POLR3A: variants seen among roughly 807,000 people sequenced by gnomAD.
The protein encoded by POLR3A is RNA polymerase III subunit A.
In POLR3A, 112 loss-of-function variants were observed where a neutral mutation model predicts 152.8. The observed-to-expected ratio is 0.73, with a 90% CI of 0.63 to 0.86. The LOEUF is 0.86. Ranked by LOEUF, POLR3A falls within the 40% of genes least tolerant of loss-of-function variation. POLR3A has a pLI of 0.00. For missense variants in POLR3A, 1,385 were observed against 1,743.1 expected (o/e 0.79, Z 3.66); for synonymous variants, 615 against 652.1 (o/e 0.94, Z 0.87).
At chr10:77,989,030 A>C (rs750283135) in intron 21 of POLR3A, among the ~76,000 whole-genome samples, 1 of 151,718 alleles carries the variant, frequency 6.6e-6, no homozygotes, top group Non-Finnish European at 1.5e-5. Flanking sequence ...TTTCACCCCA[A>C]TGGACACATT....
chr10:78,019,036 A>G lies in POLR3A; in HGVS notation c.1289+126T>C, dbSNP rs184957690. On this transcript the variant is annotated intron_variant, in intron 9 of 30. Transcript: ENST00000372371. Reference sequence around the variant, plus strand: ...CCTTGGCTCACGGAAATTTAAACAGATATTTTCCACATGCCAAAATGTCAC... The same window carrying G: ...CCTTGGCTCACGGAAATTTAAACAGGTATTTTCCACATGCCAAAATGTCAC... The G allele has an allele frequency of 1.2e-3, 922 of 751,366 alleles. 7 individuals are homozygous for G. Among genetic ancestry groups the G allele is most frequent in the South Asian group, 7.4e-3 (511 of 69,212 alleles). 46.5% of individuals were successfully genotyped at this position (751,366 alleles called of 1,614,324 possible).
chr10:77,986,032 C>T (rs1847194661), intron 22 of POLR3A, 41 bp downstream of exon 22: 1 of 1,596,414 alleles, frequency 6.3e-7, no homozygotes, highest in Non-Finnish European at 8.6e-7. Context: ...GCGGCAACTA[C>T]AAACAGCTCG....
chr10:77,996,659 G>A (rs1479215483), intron 19 of POLR3A, among the ~76,000 whole-genome samples: 27 of 151,666 alleles, frequency 1.8e-4, no homozygotes, highest in Admixed American at 1.8e-3. Flanking sequence ...CTGAAATTGA[G>A]GCAATAATTA....
At chr10:77,980,571 C>G (rs1419861026) in intron 29 of POLR3A, among the ~76,000 whole-genome samples, 1 of 151,408 alleles carries the variant, frequency 6.6e-6, no homozygotes, top group Admixed American at 6.6e-5. Context: ...TCTTATGGCT[C>G]AAAGAACTAA....
At chr10:77,987,613 T>C (rs1440203455) in intron 21 of POLR3A, among the ~76,000 whole-genome samples, 3 of 152,180 alleles carry the variant, frequency 2.0e-5, no homozygotes, top group Admixed American at 6.5e-5. Flanking sequence ...AGCCCATTTC[T>C]GCAAAAATAA....
At position 78,004,863 on chromosome 10, in the gene POLR3A, G is replaced by A. The variant is rs79793998; in HGVS notation, c.2100C>T (p.Ile700=). The A allele has an allele frequency of 6.0e-3, 9,676 of 1,613,916 alleles. 542 individuals are homozygous for A. The African/African-American group carries it at 0.11, about 19-fold the overall frequency. ...GTCCTTGGCCAGGTGTGACATCACCGATCCCAATTGAGAAACCACGGTTAG... is the reference window on the plus strand; with the variant it reads ...GTCCTTGGCCAGGTGTGACATCACCAATCCCAATTGAGAAACCACGGTTAG... ...YLSNRGFSIG[I]GDVTPGQGLL... is the part of the protein sequence containing the mutation. Residue 700 remains isoleucine (I), a synonymous_variant, in exon 16 of 31, where the codon ATC becomes ATT. Coordinates refer to ENST00000372371, the MANE Select transcript of POLR3A (RefSeq NM_007055.4).
chr10:77,998,723 C>T (rs1368593924), intron 19 of POLR3A, among the ~76,000 whole-genome samples: 1 of 152,208 alleles, frequency 6.6e-6, no homozygotes, highest in Non-Finnish European at 1.5e-5. Context: ...CTAGTTCAAC[C>T]ATTGTGGAAG....
chr10:78,018,729 T>C (rs1847549339), intron 9 of POLR3A, among the ~76,000 whole-genome samples: 1 of 151,990 alleles, frequency 6.6e-6, no homozygotes, highest in African/African-American at 2.4e-5. Context: ...ACTACATACG[T>C]GTGCTACCGT....
chr10:78,010,826 C>G (rs373461650), intron 11 of POLR3A, among the ~76,000 whole-genome samples: 2 of 152,102 alleles, frequency 1.3e-5, no homozygotes, highest in African/African-American at 2.4e-5. Flanking sequence ...ATGAAAAACT[C>G]TACCCATGTA....
chr10:78,004,042 T>C (rs1185459171), intron 16 of POLR3A, among the ~76,000 whole-genome samples: 3 of 152,052 alleles, frequency 2.0e-5, no homozygotes, highest in Non-Finnish European at 4.4e-5. Context: ...GAGACCGTGC[T>C]GGCCAACATG....
At chr10:77,984,500 C>T (rs776651166) in intron 24 of POLR3A, among the ~76,000 whole-genome samples, 65 of 152,180 alleles carry the variant, frequency 4.3e-4, no homozygotes, top group Non-Finnish European at 5.7e-4. Flanking sequence ...CTCGCCACCA[C>T]GCCCAGCTAA....
intron 10 of POLR3A, among the ~76,000 whole-genome samples, chr10:78,014,321 C>T (rs78607619): frequency 1.0e-3 from 152 of 152,238 alleles, no homozygotes; most frequent in East Asian, 9.4e-3. Flanking sequence ...AATAAACCAA[C>T]TAAATAAAAA....
chr10:77,981,868 C>CAAAAAAAAAAAA (rs60259976), intron 28 of POLR3A, among the ~76,000 whole-genome samples: 11 of 63,682 alleles, frequency 1.7e-4, no homozygotes, highest in East Asian at 4.0e-4. Context: ...ACTAAAAATA[C>CAAAAAAAAAAAA]AAAAAAAAAA....
At chr10:77,977,845 C>A (rs575400091) in intron 30 of POLR3A, among the ~76,000 whole-genome samples, 103 of 152,226 alleles carry the variant, frequency 6.8e-4, no homozygotes, top group Middle Eastern at 6.8e-3. Context: ...GCAGGGCTTG[C>A]TCACAGCCCA....
rs1310257512 is a variant in POLR3A at position 78,024,532 on chromosome 10, T to G, written c.645+17A>C. 1.2e-6 allele frequency: 2 copies of G among 1,612,156 alleles called. No homozygotes were observed. Among genetic ancestry groups the G allele is most frequent in the Non-Finnish European group, 1.7e-6 (2 of 1,179,596 alleles). ...GCGGGAGGCAGGCGGAAGGCAGGCGTGCATTCTCAGGCTCACCTGTGCCCT... is the reference window on the plus strand; with the variant it reads ...GCGGGAGGCAGGCGGAAGGCAGGCGGGCATTCTCAGGCTCACCTGTGCCCT... On this transcript the variant is annotated intron_variant, in intron 5 of 30. Coordinates refer to ENST00000372371, the MANE Select transcript of POLR3A (RefSeq NM_007055.4).
At position 77,986,076 on chromosome 10, in the gene POLR3A, T is replaced by C; in HGVS notation, c.2985A>G (p.Thr995=). ...DKYGINDNGT[T]EPRVLYQLDR... The stretch of plus-strand genomic sequence containing the variant: ...ACGCGTCTTGGAGGGATATTACCTC[T>C]GTTGTGCCGTTATCATTGATGCCAT... Residue 995 remains threonine, a synonymous_variant, in exon 22 of 31, where the codon ACA becomes ACG. Transcript: ENST00000372371. The C allele has an allele frequency of 6.3e-7, 1 of 1,589,950 alleles. No homozygotes were observed. The highest frequency in any genetic ancestry group is 1.1e-5 in the South Asian group (1 of 90,600).
intron 29 of POLR3A, 84 bp downstream of exon 29, chr10:77,981,344 A>T: frequency 7.6e-7 from 1 of 1,314,168 alleles, no homozygotes; most frequent in Non-Finnish European, 1.1e-6. Context: ...CGTATTCTAC[A>T]TGTCTTAGAA....
chr10:77,981,232 C>T (rs1195650453), intron 29 of POLR3A, among the ~76,000 whole-genome samples, 196 bp downstream of exon 29: 3 of 152,192 alleles, frequency 2.0e-5, no homozygotes, highest in Admixed American at 6.5e-5. Context: ...GGCTGTAACT[C>T]TCATACTGGG....
In POLR3A at chr10:77,982,232, C is replaced by T; in HGVS notation, c.3681G>A (p.Val1227=). The T allele has an allele frequency of 6.2e-7, 1 of 1,613,898 alleles. No individual in the cohort carries two copies. ...TGACTGCCCGCAGGTTATCACCTTC[C>T]ACCAGAAGCTTGTACTTCTCCTTTC... ...QSGKEKYKLL[V]EGDNLRAVMA... is the part of the protein sequence containing the mutation. The change falls in exon 28 of 31, where the codon GTG becomes GTA. Residue 1227 remains valine, a synonymous_variant. Coordinates refer to ENST00000372371, the MANE Select transcript of POLR3A (RefSeq NM_007055.4).
Sources: allele counts gnomAD v4.1 joint callset (sites outside exome capture counted in the v4.1 genomes callset), GRCh38; gene constraint gnomAD v4.1.1; transcripts MANE v1.5; gene names NCBI Gene and HGNC (gene_info 2026-07-23, HGNC 2026-07-21).